Variants in MYCBP2 observed in about 807,000 individuals in gnomAD.
MYCBP2 encodes the protein E3 ubiquitin-protein ligase MYCBP2.
In MYCBP2, 120 loss-of-function variants were observed where a neutral mutation model predicts 525.3. The ratio of observed to expected loss-of-function variants is 0.23; its 90% CI spans 0.20 to 0.27. The LOEUF (loss-of-function observed/expected upper bound fraction) is 0.27, where lower values mean the gene tolerates loss of function less well. Among genes scored for constraint, MYCBP2 ranks in the 10% least tolerant of loss-of-function variants. The pLI is 1.00. For synonymous variants in MYCBP2, 1,894 were observed against 1,955.8 expected (o/e 0.97, Z 0.83); for missense variants, 4,149 against 5,657.1 (o/e 0.73, Z 8.55).
chr13:77,185,118 C>T lies in MYCBP2; in HGVS notation c.4704G>A (p.Leu1568=). The T allele has an allele frequency of 6.2e-7, 1 of 1,613,926 alleles. No individual in the cohort carries two copies. Among genetic ancestry groups the T allele is most frequent in the Non-Finnish European group, 8.5e-7 (1 of 1,179,876 alleles). ...ALQWACLCDL[L]NCLDQDIQEA... is the part of the protein sequence containing the mutation. ...CTTAAATTACCTGATCCAAACAATT[C>T]AGCAGATCACAAAGGCAAGCCCACT... Residue 1568 remains leucine, a synonymous_variant, in exon 32 of 83, where the codon CTG becomes CTA. Coordinates refer to ENST00000544440, the MANE Select transcript of MYCBP2 (RefSeq NM_015057.5).
In MYCBP2 at chr13:77,051,174, G is replaced by GA; in HGVS notation, c.13756-13dup. 6.3e-7 allele frequency: 1 copy of GA among 1,595,188 alleles called. No homozygotes were observed. Among genetic ancestry groups the GA allele is most frequent in the South Asian group, 1.1e-5 (1 of 88,290 alleles). On this transcript the variant is annotated splice_polypyrimidine_tract_variant and intron_variant, in intron 81 of 82. Transcript: ENST00000544440. ...TGTTTGGGACACATCTATAGCAAAA[G>GA]AGAAGAGACAGACACAAGATCATAG... is the stretch of plus-strand genomic sequence containing the variant.
At chr13:77,208,493 T>G (rs2063612343) in intron 23 of MYCBP2, among the ~76,000 whole-genome samples, 2 of 152,236 alleles carry the variant, frequency 1.3e-5, no homozygotes, top group Non-Finnish European at 2.9e-5. Context: ...GGGCAAACAG[T>G]TAAGTATATT....
intron 62 of MYCBP2, among the ~76,000 whole-genome samples, chr13:77,087,022 G>T (rs2044421326): frequency 6.6e-6 from 1 of 151,994 alleles, no homozygotes; most frequent in Non-Finnish European, 1.5e-5. Flanking sequence ...ATTGTTGAGG[G>T]TCTATTTCTA....
At chr13:77,230,236 T>A (rs930503324) in intron 18 of MYCBP2, among the ~76,000 whole-genome samples, 2 of 152,126 alleles carry the variant, frequency 1.3e-5, no homozygotes, top group African/African-American at 4.8e-5. Context: ...CAGTTCTTAC[T>A]CTCCTTACAC....
In MYCBP2 at chr13:77,174,404, G is replaced by C; in HGVS notation, c.5558C>G (p.Pro1853Arg). ...GDGGMTTVQC[P>R]DGVTFTFSTC... ...GCTGAATGTGAATGTCACACCATCAGGGCACTGAACTGTGGTCATTCCTCC... is the reference window on the plus strand; with the variant it reads ...GCTGAATGTGAATGTCACACCATCACGGCACTGAACTGTGGTCATTCCTCC... The change falls in exon 37 of 83, where the codon CCT becomes CGT. Residue 1853 changes from proline (P) to arginine (R), a missense_variant. Coordinates refer to ENST00000544440, the MANE Select transcript of MYCBP2 (RefSeq NM_015057.5). 1 of 1,614,126 alleles carries C rather than the reference G, an allele frequency of 6.2e-7. No homozygotes were observed. Among genetic ancestry groups the C allele is most frequent in the Non-Finnish European group, 8.5e-7 (1 of 1,180,022 alleles).
chr13:77,167,628 T>C (rs2058690808), intron 40 of MYCBP2, among the ~76,000 whole-genome samples: 1 of 152,216 alleles, frequency 6.6e-6, no homozygotes, highest in South Asian at 2.1e-4. Flanking sequence ...TTGCAGACAT[T>C]AAATTGTTTT....
chr13:77,176,001 CA>C (rs2059665229), intron 36 of MYCBP2, among the ~76,000 whole-genome samples: 2 of 137,000 alleles, frequency 1.5e-5, no homozygotes, highest in Non-Finnish European at 1.6e-5. Flanking sequence ...AGAAACAAAA[CA>C]AAACAAAACA....
chr13:77,178,298 T>C (rs1247242583), intron 34 of MYCBP2, among the ~76,000 whole-genome samples: 1 of 152,226 alleles, frequency 6.6e-6, no homozygotes, highest in Non-Finnish European at 1.5e-5. Context: ...CGAAATTCTA[T>C]AGATCAACAG....
At chr13:77,140,011 C>A in intron 51 of MYCBP2, 36 bp downstream of exon 51, 1 of 1,462,674 alleles carries the variant, frequency 6.8e-7, no homozygotes, top group South Asian at 1.2e-5. Flanking sequence ...AACTTTCTGT[C>A]CAAAATTTAC....
chr13:77,270,145 T>C, intron 6 of MYCBP2, 82 bp from the exon 7 acceptor site: 2 of 1,439,152 alleles, frequency 1.4e-6, no homozygotes, highest in South Asian at 2.5e-5. Context: ...GTGAATGACA[T>C]TTAATGCATG....
rs1566645054 is a variant in MYCBP2 at position 77,131,506 on chromosome 13, A to C, written c.7660-4964T>G. 4.6e-5 allele frequency among the ~76,000 whole-genome samples: 4 copies of C among 86,240 alleles called. No homozygotes were observed. The South Asian group carries it at 2.4e-3, about 51-fold the overall frequency. 56.6% of individuals were successfully genotyped at this position (86,240 alleles called of 152,430 possible). A position where few individuals can be genotyped will look rare whatever the true frequency, so the allele number is the denominator to read the frequency against. On this transcript the variant is annotated intron_variant, in intron 52 of 82. Transcript: ENST00000544440. ...ATCTCAAACACACACACACACACAC[A>C]CACACAAACAAACACACACACACAC...
rs1339524968 is a variant in MYCBP2 at position 77,326,763 on chromosome 13, C to A, written c.13G>T (p.Ala5Ser). 9 of 1,416,656 alleles carry A rather than the reference C, an allele frequency of 6.4e-6. No individual in the cohort carries two copies. Among genetic ancestry groups the A allele is most frequent in the Non-Finnish European group, 8.2e-6 (9 of 1,099,740 alleles). 87.8% of individuals were successfully genotyped at this position (1,416,656 alleles called of 1,614,324 possible). Residue 5 changes from alanine to serine, a missense_variant, in exon 1 of 83, where the codon GCA (alanine) becomes TCA (serine). Around this residue, in one of 21 missense-constraint regions of MYCBP2, gnomAD observed 413 missense variants for 451.2 expected, o/e 0.92. Coordinates refer to ENST00000544440, the MANE Select transcript of MYCBP2 (RefSeq NM_015057.5). The surrounding 1 kb of genome is among the most constrained non-coding windows in gnomAD (Gnocchi z 4.2). MMMC[A>S]ATASPAAASS... ...GCGGCGGCGGGGGAGGCAGTCGCTG[C>A]GCACATCATCATCCTCGCCGCCGCC...
In MYCBP2 at chr13:77,128,627, AG is replaced by A. The variant is rs199549924; in HGVS notation, c.7660-2086del. Among the ~76,000 whole-genome samples, 1,417 of 152,070 alleles carry A rather than the reference AG, an allele frequency of 9.3e-3. 21 individuals carry two copies. Among genetic ancestry groups the A allele is most frequent in the African/African-American group, 0.032 (1,323 of 41,550 alleles). ...AGTTTATCCAATTCTTGTGCTAAAC[AG>A]TATAAAACACTGACAGACATAAAGT... On this transcript the variant is annotated intron_variant, in intron 52 of 82. Coordinates refer to ENST00000544440, the MANE Select transcript of MYCBP2 (RefSeq NM_015057.5).
intron 44 of MYCBP2, among the ~76,000 whole-genome samples, chr13:77,160,328 C>A (rs1276018555): frequency 6.6e-6 from 1 of 152,180 alleles, no homozygotes; most frequent in Non-Finnish European, 1.5e-5. Flanking sequence ...TGCCTAAATG[C>A]TCTATGCCTC....
rs551543216 is a variant in MYCBP2, at chr13:77,069,519, C to T, written c.11905-688G>A. Among the ~76,000 whole-genome samples, 69 of 151,646 alleles carry T rather than the reference C, an allele frequency of 4.6e-4. 2 individuals carry two copies. In the South Asian group the frequency reaches 0.014, roughly 32 times the overall value. On this transcript the variant is annotated intron_variant, in intron 69 of 82. Coordinates refer to ENST00000544440, the MANE Select transcript of MYCBP2 (RefSeq NM_015057.5). ...GTTTGGGAGGCCGAGGCAGGTGGAT[C>T]ATGAGGTCAGGAGATCGAGACCATT...
At chr13:77,192,000 T>C (rs1252396310) in intron 27 of MYCBP2, among the ~76,000 whole-genome samples, 187 bp from the exon 28 acceptor site, 1 of 152,272 alleles carries the variant, frequency 6.6e-6, no homozygotes, top group Non-Finnish European at 1.5e-5. Flanking sequence ...ATTTATGTTA[T>C]GGTGATAGAA....
At chr13:77,268,030 T>C in intron 7 of MYCBP2, 93 bp from the exon 8 acceptor site, 1 of 647,662 alleles carries the variant, frequency 1.5e-6, no homozygotes, top group Non-Finnish European at 2.7e-6. Context: ...GTTTTTGAGG[T>C]ACAATAATAC....
chr13:77,264,565 G>A (rs372127001), intron 8 of MYCBP2, among the ~76,000 whole-genome samples: 1 of 152,080 alleles, frequency 6.6e-6, no homozygotes, highest in Non-Finnish European at 1.5e-5. Flanking sequence ...TTAAATGTTT[G>A]TCCAACAAGA....
At chr13:77,318,245 A>T (rs1395844562) in intron 1 of MYCBP2, among the ~76,000 whole-genome samples, 2 of 152,180 alleles carry the variant, frequency 1.3e-5, no homozygotes, top group East Asian at 3.9e-4. Context: ...CAGTTGCTAG[A>T]TCAGCACTGG....
Sources: gnomAD v4.1 joint callset for allele counts (sites outside exome capture counted in the v4.1 genomes callset) on GRCh38, gnomAD v4.1.1 for gene constraint, gnomAD v4.1.1 regional missense constraint, Gnocchi (gnomAD v3.1) non-coding constraint, MANE v1.5 for transcripts, NCBI Gene and HGNC (gene_info 2026-07-23, HGNC 2026-07-21) for gene names.